The following SLC17A2 variants were observed in gnomAD, a reference collection of about 807,000 sequenced individuals.
The protein encoded by SLC17A2 is solute carrier family 17 member 2.
Under a neutral mutation model 52.1 loss-of-function variants are expected in SLC17A2, and 38 were observed. The ratio of observed to expected loss-of-function variants is 0.73; its 90% CI spans 0.56 to 0.96. SLC17A2 has a LOEUF of 0.96. Ranked by LOEUF, SLC17A2 falls within the 40% of genes least tolerant of loss-of-function variation. SLC17A2 has a pLI of 0.00. For synonymous variants in SLC17A2, 226 were observed against 211.9 expected, an observed-to-expected ratio of 1.07 and a Z score of -0.58; for missense variants, 508 against 583.9, an observed-to-expected ratio of 0.87 and a Z score of 1.34.
Position 25,913,099 on chromosome 6 carries a change from T to C in SLC17A2, c.*218A>G. 1 of 514,344 alleles carries C rather than the reference T, an allele frequency of 1.9e-6. No individual in the cohort carries two copies. Among genetic ancestry groups the C allele is most frequent in the Non-Finnish European group, 3.5e-6 (1 of 286,942 alleles). The allele number at this position is 514,344 out of a possible 1,614,324, so 31.9% of individuals were successfully genotyped here. ...ATGCTAGAAACCTCTAAGGAGTATC[T>C]AAAAATTAGTAGTATCTGGGTTCCA... On this transcript the variant is annotated 3_prime_UTR_variant, in exon 12 of 12. Transcript: ENST00000377850.
In SLC17A2 at chr6:25,921,266, A is replaced by C; in HGVS notation, c.387T>G (p.Ser129=). 6.2e-7 allele frequency: 1 copy of C among 1,614,162 alleles called. No individual in the cohort carries two copies. Among genetic ancestry groups the C allele is most frequent in the Non-Finnish European group, 8.5e-7 (1 of 1,180,004 alleles). The part of the protein sequence containing the change: ...KKMLGAGLLI[S]SLLTLFTPLA... ...GTGGTGTAAAGAGGGTGAGAAGGGAAGAGATCAGCAAACCAGCACCAAGCA... is the reference window on the plus strand; with the variant it reads ...GTGGTGTAAAGAGGGTGAGAAGGGACGAGATCAGCAAACCAGCACCAAGCA... Residue 129 remains serine, a synonymous_variant, in exon 4 of 12, where the codon TCT becomes TCG. Coordinates refer to ENST00000377850, the MANE Select transcript of SLC17A2 (RefSeq NM_001286123.3).
rs202224262 is a variant in SLC17A2 at position 25,915,724 on chromosome 6, G to T, written c.1063+12C>A. 2.0e-5 allele frequency: 33 copies of T among 1,613,820 alleles called. 2 individuals are homozygous for T. In the East Asian group the frequency reaches 7.1e-4, roughly 35 times the overall value. On this transcript the variant is annotated intron_variant, in intron 9 of 11. Coordinates refer to ENST00000377850, the MANE Select transcript of SLC17A2 (RefSeq NM_001286123.3). The stretch of plus-strand genomic sequence containing the variant: ...AGGGATTGGTTAAATGGGCCCACAC[G>T]CTTATCCTTACCAAGAGATGAAAAG...
chr6:25,913,349 A>G lies in SLC17A2; in HGVS notation c.1405T>C (p.Trp469Arg). Reference sequence around the variant, plus strand: ...CGGGTAAGGGTCCTCTCTTTGGCCCAGTCTTGAAGTTCTGCTTGTCCAAAC... The same window carrying G: ...CGGGTAAGGGTCCTCTCTTTGGCCCGGTCTTGAAGTTCTGCTTGTCCAAAC... ...LTFGQAELQD[W>R]AKERTLTRL Residue 469 changes from tryptophan (W) to arginine (R), a missense_variant, in exon 12 of 12, where the codon TGG becomes CGG. Physicochemically the swap from Trp to Arg is moderately radical, Grantham distance 101. Transcript: ENST00000377850. 6.2e-7 allele frequency: 1 copy of G among 1,614,148 alleles called. No individual in the cohort carries two copies. The highest frequency in any genetic ancestry group is 8.5e-7 in the Non-Finnish European group (1 of 1,180,004).
intron 5 of SLC17A2, 70 bp from the exon 6 acceptor site, chr6:25,918,643 A>C: frequency 5.3e-6 from 5 of 944,802 alleles, no homozygotes; most frequent in South Asian, 1.3e-5. Flanking sequence ...TCCCTAAACA[A>C]TGTCCCAACA....
chr6:25,925,773 C>T lies in SLC17A2; in HGVS notation c.24G>A (p.Arg8=). The T allele has an allele frequency of 1.2e-6, 2 of 1,614,154 alleles. No individual in the cohort carries two copies. The highest frequency in any genetic ancestry group is 1.1e-5 in the South Asian group (1 of 91,080). Residue 8 remains arginine (R), a synonymous_variant, in exon 2 of 12, where the codon AGG becomes AGA. Transcript: ENST00000377850. The stretch of plus-strand genomic sequence containing the variant: ...AAACAAGAGCAGTGGCTTTACCTTT[C>T]CTGGTGGCAGGCTTCCCGTCCATTT... MDGKPAT[R]KGPDFCSLRY...
At chr6:25,920,296 G>T (rs1766503359) in intron 5 of SLC17A2, among the ~76,000 whole-genome samples, 1 of 152,102 alleles carries the variant, frequency 6.6e-6, no homozygotes, top group African/African-American at 2.4e-5. Context: ...CGACAGGCTG[G>T]GGAGAACAGC....
Position 25,924,757 on chromosome 6 carries a change from C to T in SLC17A2, c.29-851G>A, listed in dbSNP as rs528326014. On this transcript the variant is annotated intron_variant, in intron 2 of 11. Transcript: ENST00000377850. Reference sequence around the variant, plus strand: ...CCAGGAGGCAGAGGTTGCAATGAGCCAAGATCATGTCACTGTACTCCAGCC... The same window carrying T: ...CCAGGAGGCAGAGGTTGCAATGAGCTAAGATCATGTCACTGTACTCCAGCC... 2.0e-5 allele frequency among the ~76,000 whole-genome samples: 3 copies of T among 149,856 alleles called. No homozygotes were observed. In the South Asian group the frequency reaches 6.3e-4, roughly 32 times the overall value.
intron 2 of SLC17A2, 83 bp from the exon 3 acceptor site, chr6:25,923,989 G>T: frequency 9.0e-7 from 1 of 1,113,712 alleles, no homozygotes; most frequent in South Asian, 1.3e-5. Flanking sequence ...CGATCTGATA[G>T]AACTTTGGAT....
chr6:25,916,829 T>C lies in SLC17A2; in HGVS notation c.786A>G (p.Arg262=), dbSNP rs1417530506. The C allele has an allele frequency of 6.2e-7, 1 of 1,614,140 alleles. No homozygotes were observed. The highest frequency in any genetic ancestry group is 1.1e-5 in the South Asian group (1 of 91,076). ...TGACCATCGCCTTTATGGGGACAGC[T>C]CGTCCAGGAGAACTGGGCTGAAAAG... The part of the protein sequence containing the change: ...SLAQQPSSPG[R]AVPIKAMVTC... The change falls in exon 8 of 12, where the codon CGA becomes CGG. Residue 262 remains arginine (R), a synonymous_variant. Coordinates refer to ENST00000377850, the MANE Select transcript of SLC17A2 (RefSeq NM_001286123.3).
Position 25,912,769 on chromosome 6 carries a change from T to C in SLC17A2, c.*548A>G, listed in dbSNP as rs1048369305. The C allele has an allele frequency of 2.0e-5, 3 of 152,270 alleles. No individual in the cohort carries two copies. The highest frequency in any genetic ancestry group is 7.2e-5 in the African/African-American group (3 of 41,470). The allele number at this position is 152,270 out of a possible 1,614,324, so 9.4% of individuals were successfully genotyped here. On this transcript the variant is annotated 3_prime_UTR_variant, in exon 12 of 12. Coordinates refer to ENST00000377850, the MANE Select transcript of SLC17A2 (RefSeq NM_001286123.3). ...AAATGGTCTATTTTATTTTAGCATG[T>C]AAATTTTAATAGAATTTAATCACAT...
chr6:25,922,214 G>A (rs1169145407), intron 3 of SLC17A2, among the ~76,000 whole-genome samples: 2 of 152,146 alleles, frequency 1.3e-5, no homozygotes, highest in Non-Finnish European at 2.9e-5. Context: ...ATCAAGATTT[G>A]AGGATGAACA....
chr6:25,923,715 TGGA>T lies in SLC17A2; in HGVS notation c.217_219del (p.Ser73del). The T allele has an allele frequency of 6.2e-7, 1 of 1,614,122 alleles. No individual in the cohort carries two copies. Among genetic ancestry groups the T allele is most frequent in the Non-Finnish European group, 8.5e-7 (1 of 1,179,980 alleles). ...CTTACCTTTGTATCAAATTCCTTGA[TGGA>T]TATGCTGGAGTTATTGAAGGCATCT... On this transcript the variant is annotated inframe_deletion, in exon 3 of 12. Transcript: ENST00000377850.
chr6:25,915,718 C>T lies in SLC17A2; in HGVS notation c.1063+18G>A. The T allele has an allele frequency of 6.2e-7, 1 of 1,613,420 alleles. No individual in the cohort carries two copies. The highest frequency in any genetic ancestry group is 8.5e-7 in the Non-Finnish European group (1 of 1,179,724). On this transcript the variant is annotated intron_variant, in intron 9 of 11. Transcript: ENST00000377850. ...CAGAAAAGGGATTGGTTAAATGGGC[C>T]CACACGCTTATCCTTACCAAGAGAT...
intron 1 of SLC17A2, among the ~76,000 whole-genome samples, chr6:25,929,638 C>A (rs1361584812): frequency 2.0e-5 from 3 of 152,170 alleles, no homozygotes; most frequent in Admixed American, 1.3e-4. Flanking sequence ...AGGGCCCTCT[C>A]ATCATCTGCC....
chr6:25,925,868 A>T lies in SLC17A2; in HGVS notation c.-72T>A, dbSNP rs1766746228. 3 of 1,436,814 alleles carry T rather than the reference A, an allele frequency of 2.1e-6. No homozygotes were observed. In the African/African-American group the frequency reaches 4.2e-5, roughly 20 times the overall value. 89.0% of individuals were successfully genotyped at this position (1,436,814 alleles called of 1,614,324 possible). A position where few individuals can be genotyped will look rare whatever the true frequency, so the allele number is the denominator to read the frequency against. On this transcript the variant is annotated 5_prime_UTR_variant, in exon 2 of 12. The change creates a premature stop within an existing upstream ORF in the 5' untranslated region. Coordinates refer to ENST00000377850, the MANE Select transcript of SLC17A2 (RefSeq NM_001286123.3). ...TGTGCCCTGAATCTCTTTTACTACGACAGTCTTTTATCTATGGAGAGAACA... is the reference window on the plus strand; with the variant it reads ...TGTGCCCTGAATCTCTTTTACTACGTCAGTCTTTTATCTATGGAGAGAACA...
At position 25,913,452 on chromosome 6, in the gene SLC17A2, C is replaced by A; in HGVS notation, c.1303-1G>T. On this transcript the variant is annotated splice_acceptor_variant, in intron 11 of 11. Coordinates refer to ENST00000377850, the MANE Select transcript of SLC17A2 (RefSeq NM_001286123.3). LOFTEE classifies it high-confidence loss of function. ...CATTCCTCCAACCAGACTCAAAATC[C>A]TAGATGTAAAAAACAGAGAAAATGA... 1 of 1,613,678 alleles carries A rather than the reference C, an allele frequency of 6.2e-7. No homozygotes were observed. The highest frequency in any genetic ancestry group is 8.5e-7 in the Non-Finnish European group (1 of 1,179,712).
chr6:25,913,531 T>C (rs1190125376), intron 11 of SLC17A2, 80 bp from the exon 12 acceptor site: 11 of 1,324,172 alleles, frequency 8.3e-6, no homozygotes, highest in African/African-American at 1.5e-5. Context: ...CAGTTGTGTA[T>C]TGCAATGTTG....
intron 2 of SLC17A2, 125 bp from the exon 3 acceptor site, chr6:25,924,031 C>T (rs2151555669): frequency 1.3e-6 from 1 of 743,140 alleles, no homozygotes; most frequent in Middle Eastern, 3.8e-4. Flanking sequence ...TTTTTTTCAC[C>T]AAAATAGCCA....
At position 25,921,017 on chromosome 6, in the gene SLC17A2, A is replaced by G. The variant is rs1766531045; in HGVS notation, c.551T>C (p.Ile184Thr). 1.2e-6 allele frequency: 2 copies of G among 1,614,216 alleles called. No individual in the cohort carries two copies. Among genetic ancestry groups the G allele is most frequent in the Non-Finnish European group, 1.7e-6 (2 of 1,180,028 alleles). ...CTGTGCACACTTACCTGATCCTGCAATGGTGGTGAGCTTGCTTCGTTCAAG... is the reference window on the plus strand; with the variant it reads ...CTGTGCACACTTACCTGATCCTGCAGTGGTGGTGAGCTTGCTTCGTTCAAG... ...PPLERSKLTT[I>T]AGSGSAFGSF... is the part of the protein sequence containing the mutation. The change falls in exon 5 of 12, where the codon ATT (isoleucine) becomes ACT (threonine). Residue 184 changes from isoleucine (I) to threonine (T), a missense_variant. Physicochemically the swap from Ile to Thr is moderately conservative, Grantham distance 89. Transcript: ENST00000377850.
Sources: gnomAD v4.1 joint callset for allele counts (sites outside exome capture counted in the v4.1 genomes callset) on GRCh38, gnomAD v4.1.1 for gene constraint, MANE v1.5 for transcripts, NCBI Gene and HGNC (gene_info 2026-07-23, HGNC 2026-07-21) for gene names.